The following CSMD1 variants were observed in gnomAD, a reference collection of about 807,000 sequenced individuals.
CSMD1 encodes CUB and sushi domain-containing protein 1.
Under a neutral mutation model 417.5 loss-of-function variants are expected in CSMD1, and 213 were observed. The observed-to-expected ratio is 0.51, with a 90% confidence interval of 0.46 to 0.57. The LOEUF is 0.57. Ranked by LOEUF, CSMD1 falls within the 20% of genes least tolerant of loss-of-function variation. The pLI is 0.00. For missense variants in CSMD1, 6,923 were observed against 4,529.7 expected (o/e 1.53, Z -15.17); for synonymous variants, 2,862 against 1,736.8 (o/e 1.65, Z -16.11).
At chr8:3,942,616 G>A (rs758372113) in intron 5 of CSMD1, among the ~76,000 whole-genome samples, 5 of 152,230 alleles carry the variant, frequency 3.3e-5, no homozygotes, top group South Asian at 2.1e-4. Flanking sequence ...ACATTGGTCC[G>A]GCCATTCTAC....
intron 3 of CSMD1, among the ~76,000 whole-genome samples, chr8:4,088,076 A>G (rs1241116934): frequency 2.0e-5 from 3 of 152,200 alleles, no homozygotes; most frequent in Admixed American, 2.0e-4. Flanking sequence ...AGTAACAATG[A>G]CTAGAGGAAA....
intron 18 of CSMD1, among the ~76,000 whole-genome samples, chr8:3,372,785 C>T (rs1185310641): frequency 6.6e-6 from 1 of 152,024 alleles, no homozygotes; most frequent in African/African-American, 2.4e-5. Flanking sequence ...GTCTGGAGGC[C>T]ATGGAAGAGG....
chr8:4,681,901 T>C (rs1252739353), intron 1 of CSMD1, among the ~76,000 whole-genome samples: 1 of 152,180 alleles, frequency 6.6e-6, no homozygotes, highest in Non-Finnish European at 1.5e-5. Flanking sequence ...ATGTTCAGAG[T>C]AAGCCCTACC....
intron 4 of CSMD1, among the ~76,000 whole-genome samples, chr8:4,030,127 G>T (rs1376997632): frequency 6.6e-6 from 1 of 152,160 alleles, no homozygotes; most frequent in African/African-American, 2.4e-5. Context: ...GCTTTTCCAG[G>T]TGCATGATGC....
chr8:3,815,648 TAAAC>T (rs1585039078), intron 5 of CSMD1, among the ~76,000 whole-genome samples: 1 of 147,484 alleles, frequency 6.8e-6, no homozygotes, highest in Non-Finnish European at 1.5e-5. Flanking sequence ...TTTTAACAAA[TAAAC>T]AACCTAGACA....
At chr8:3,156,858 T>C (rs1819566678) in intron 39 of CSMD1, among the ~76,000 whole-genome samples, 2 of 151,710 alleles carry the variant, frequency 1.3e-5, no homozygotes, top group South Asian at 4.2e-4. Context: ...ATCTTAAAGA[T>C]GGGGCATTGG....
In CSMD1 at chr8:4,897,449, G is replaced by A. The variant is rs774049742; in HGVS notation, c.85+96883C>T. Among the ~76,000 whole-genome samples the A allele has an allele frequency of 6.6e-4, 101 of 152,056 alleles. 4 individuals are homozygous for A. Among genetic ancestry groups the A allele is most frequent in the Non-Finnish European group, 2.8e-4 (19 of 68,038 alleles). On this transcript the variant is annotated intron_variant, in intron 1 of 69. Transcript: ENST00000635120. ...GAAAACAAGTGACTCTTTTCCACTT[G>A]CTGATGGGAATATCTTTAAGGAGTG...
chr8:4,323,571 T>C (rs1799388523), intron 3 of CSMD1, among the ~76,000 whole-genome samples: 1 of 152,142 alleles, frequency 6.6e-6, no homozygotes, highest in Non-Finnish European at 1.5e-5. Context: ...TATATCTGCT[T>C]TCCAAGGTGT....
chr8:2,944,565 T>C (rs1180839097), intron 68 of CSMD1, among the ~76,000 whole-genome samples: 2 of 152,192 alleles, frequency 1.3e-5, no homozygotes, highest in Non-Finnish European at 2.9e-5. Context: ...AAATGTAACT[T>C]TCCTGAAGCC....
At chr8:4,227,683 C>T (rs767189725) in intron 3 of CSMD1, among the ~76,000 whole-genome samples, 1 of 152,010 alleles carries the variant, frequency 6.6e-6, no homozygotes, top group Admixed American at 6.6e-5. Flanking sequence ...AGCCTCCATC[C>T]TACATTAAAC....
rs79133784 is a variant in CSMD1 at position 4,345,620 on chromosome 8, A to C, written c.415+74333T>G. On this transcript the variant is annotated intron_variant, in intron 3 of 69. Coordinates refer to ENST00000635120, the MANE Select transcript of CSMD1 (RefSeq NM_033225.6). ...ATCACAGAAAACAAAAACAAAAAGT[A>C]CCAAAATAATTACTGAAACACGGTT... Among the ~76,000 whole-genome samples, 646 of 152,216 alleles carry C rather than the reference A, an allele frequency of 4.2e-3. 5 individuals carry two copies. The highest frequency in any genetic ancestry group is 0.015 in the African/African-American group (629 of 41,554).
At chr8:4,859,819 A>G (rs867886272) in intron 1 of CSMD1, among the ~76,000 whole-genome samples, 2 of 152,130 alleles carry the variant, frequency 1.3e-5, no homozygotes, top group Non-Finnish European at 2.9e-5. Context: ...GTGGGACTGT[A>G]AACTAGTTCA....
At chr8:3,161,099 A>C (rs1315572837) in intron 38 of CSMD1, among the ~76,000 whole-genome samples, 1 of 152,232 alleles carries the variant, frequency 6.6e-6, no homozygotes, top group East Asian at 1.9e-4. Flanking sequence ...CTGGAATGTC[A>C]ATCGACCTAT....
At chr8:4,473,187 C>A (rs74458621) in intron 2 of CSMD1, among the ~76,000 whole-genome samples, 1 of 152,010 alleles carries the variant, frequency 6.6e-6, no homozygotes, top group Non-Finnish European at 1.5e-5. Flanking sequence ...AAACCAATGA[C>A]GACTTAAAAT....
At chr8:3,676,070 C>G (rs573145749) in intron 7 of CSMD1, among the ~76,000 whole-genome samples, 4 of 152,298 alleles carry the variant, frequency 2.6e-5, no homozygotes, top group East Asian at 1.9e-4. Flanking sequence ...TTGATTAGCA[C>G]CTGTATCTCT....
chr8:4,524,425 G>A (rs529833141), intron 2 of CSMD1, among the ~76,000 whole-genome samples: 1 of 152,232 alleles, frequency 6.6e-6, no homozygotes, highest in African/African-American at 2.4e-5. Context: ...GTTGATTTCT[G>A]CACAGATAGT....
intron 26 of CSMD1, among the ~76,000 whole-genome samples, chr8:3,264,898 G>C (rs1801325018): frequency 1.3e-5 from 2 of 152,096 alleles, no homozygotes; most frequent in South Asian, 4.2e-4. Context: ...CATTTTTCTT[G>C]TACTCAGTGT....
intron 12 of CSMD1, among the ~76,000 whole-genome samples, chr8:3,413,622 C>G (rs1812951634): frequency 6.6e-6 from 1 of 152,180 alleles, no homozygotes; most frequent in Non-Finnish European, 1.5e-5. Context: ...TTTGGGGGAA[C>G]TATCTTGGAA....
chr8:3,662,314 T>G (rs951648551), intron 7 of CSMD1, among the ~76,000 whole-genome samples: 1 of 152,216 alleles, frequency 6.6e-6, no homozygotes. Flanking sequence ...CTATAAATGT[T>G]GTAAACAGTT....
Sources: allele counts gnomAD v4.1 joint callset (sites outside exome capture counted in the v4.1 genomes callset), GRCh38; gene constraint gnomAD v4.1.1; transcripts MANE v1.5; gene names NCBI Gene and HGNC (gene_info 2026-07-23, HGNC 2026-07-21).